BCAN: variants seen among roughly 807,000 people sequenced by gnomAD.
The protein encoded by BCAN is brevican core protein.
A neutral mutation model predicts 92.4 loss-of-function variants in BCAN; 51 were observed. The ratio of observed to expected loss-of-function variants is 0.55; its 90% CI spans 0.44 to 0.70. The LOEUF is 0.70. BCAN is among the 30% of genes least tolerant of loss of function. BCAN has a pLI of 0.00. For missense variants in BCAN, 1,140 were observed against 1,212.1 expected (o/e 0.94, Z 0.88); for synonymous variants, 501 against 505.2 (o/e 0.99, Z 0.11).
intron 10 of BCAN, chr1:156,657,376 C>T (rs1472577830): frequency 7.1e-6 from 4 of 559,888 alleles, no homozygotes; most frequent in Non-Finnish European, 1.2e-5. Flanking sequence ...CTCCAACCTC[C>T]CTGCTCTCCG....
chr1:156,647,969 TC>T lies in BCAN; in HGVS notation c.642-12del, dbSNP rs781528251. ...AAAGCATCTGTACTAAGTGATTCTG[TC>T]CTTCCTCCCTAGGTATCCCATCCAG... On this transcript the variant is annotated splice_polypyrimidine_tract_variant and intron_variant, in intron 4 of 13. Transcript: ENST00000329117. This position sits in a 1 kb window ranked among gnomAD's most constrained non-coding sequence, Gnocchi z 4.8. 41 of 1,612,160 alleles carry T rather than the reference TC, an allele frequency of 2.5e-5. No homozygotes were observed. Among genetic ancestry groups the T allele is most frequent in the South Asian group, 7.7e-5 (7 of 91,056 alleles).
intron 1 of BCAN, 120 bp from the exon 2 acceptor site, chr1:156,645,927 T>C (rs770650619): frequency 2.9e-5 from 21 of 731,676 alleles, no homozygotes; most frequent in Non-Finnish European, 4.1e-5. Context: ...CATGGTGATG[T>C]GAAGGTAGGG....
intron 1 of BCAN, among the ~76,000 whole-genome samples, chr1:156,645,174 C>CA (rs1324639744): frequency 1.3e-5 from 2 of 152,162 alleles, no homozygotes; most frequent in South Asian, 4.2e-4. Context: ...ATTTATTCTC[C>CA]CCCCCCTTAG....
intron 9 of BCAN, 130 bp downstream of exon 9, chr1:156,656,519 T>C (rs1383169133): frequency 1.4e-6 from 1 of 690,934 alleles, no homozygotes; most frequent in Non-Finnish European, 2.2e-6. Context: ...GCAAGTTGCA[T>C]AACTTCTTTG....
intron 6 of BCAN, among the ~76,000 whole-genome samples, chr1:156,650,152 A>AGT (rs1167178479): frequency 2.6e-4 from 39 of 151,928 alleles, no homozygotes; most frequent in African/African-American, 9.0e-4. Flanking sequence ...TAGTAGTAGT[A>AGT]ATAATAATAA....
At chr1:156,654,209 C>T (rs1679263627) in intron 8 of BCAN, among the ~76,000 whole-genome samples, 1 of 152,228 alleles carries the variant, frequency 6.6e-6, no homozygotes, top group Non-Finnish European at 1.5e-5. Flanking sequence ...GAAGCCCTCT[C>T]TACTCAGGAA....
chr1:156,646,217 C>A (rs1678959079), intron 2 of BCAN, 72 bp downstream of exon 2: 2 of 1,446,624 alleles, frequency 1.4e-6, no homozygotes, highest in South Asian at 1.2e-5. Flanking sequence ...GGCTTAGGGG[C>A]CCCAGGAAGA....
intron 6 of BCAN, chr1:156,649,773 G>C (rs1006431900): frequency 3.4e-5 from 16 of 465,784 alleles, no homozygotes; most frequent in African/African-American, 3.2e-4. Flanking sequence ...AAAAGGCCCA[G>C]GCCAAGGGTG....
intron 6 of BCAN, among the ~76,000 whole-genome samples, chr1:156,649,293 G>T (rs907537425): frequency 1.3e-5 from 2 of 152,200 alleles, no homozygotes; most frequent in African/African-American, 4.8e-5. Flanking sequence ...AGCTTAAGAA[G>T]GTGTCAGATC....
rs1571439672 is a variant in BCAN at position 156,647,315 on chromosome 1, C to T, written c.466+140C>T. ...GGGTTGGAAAAAGAGTGAGGAGACACGGGCCTTTGTTGTCTCCTTTCTCTC... is the reference window on the plus strand; with the variant it reads ...GGGTTGGAAAAAGAGTGAGGAGACATGGGCCTTTGTTGTCTCCTTTCTCTC... On this transcript the variant is annotated intron_variant, in intron 3 of 13. Transcript: ENST00000329117. The surrounding 1 kb of genome is among the most constrained non-coding windows in gnomAD (Gnocchi z 4.8). 1.7e-6 allele frequency: 2 copies of T among 1,193,710 alleles called. No homozygotes were observed. The highest frequency in any genetic ancestry group is 2.3e-6 in the Non-Finnish European group (2 of 870,486). The allele number at this position is 1,193,710 out of a possible 1,614,324, so 73.9% of individuals were successfully genotyped here.
rs1679044555 is a variant in BCAN, at chr1:156,648,050, T to C, written c.709T>C (p.Tyr237His). ...GGATGGCTTCCCCGGGGTCCGGAAC[T>C]ATGGTGTGGTGGACCCGGATGACCT... ...DMDGFPGVRNYGVVDPDDLYD... is the reference protein window; with the variant it reads ...DMDGFPGVRNHGVVDPDDLYD... The change falls in exon 5 of 14, where the codon TAT becomes CAT. Residue 237 changes from tyrosine to histidine, a missense_variant. By Grantham distance (83) the Tyr-to-His change is moderately conservative. This residue lies in a region of BCAN where 29 missense variants were observed against 56.2 expected (regional missense o/e 0.52). Coordinates refer to ENST00000329117, the MANE Select transcript of BCAN (RefSeq NM_021948.5). The C allele has an allele frequency of 1.2e-6, 2 of 1,613,872 alleles. No homozygotes were observed. Among genetic ancestry groups the C allele is most frequent in the African/African-American group, 1.3e-5 (1 of 74,864 alleles).
At chr1:156,643,238 A>G (rs1163890152) in intron 1 of BCAN, 1 of 152,258 alleles carries the variant, frequency 6.6e-6, no homozygotes, top group Non-Finnish European at 1.5e-5. Flanking sequence ...TGCTATTTAT[A>G]ACAGCATCAT....
At chr1:156,646,221 A>T in intron 2 of BCAN, 76 bp downstream of exon 2, 2 of 1,388,410 alleles carry the variant, frequency 1.4e-6, no homozygotes, top group Non-Finnish European at 2.0e-6. Context: ...TAGGGGCCCC[A>T]GGAAGAGAGA....
Position 156,647,331 on chromosome 1 carries a change from C to T in BCAN, c.466+156C>T. 1 of 1,142,582 alleles carries T rather than the reference C, an allele frequency of 8.8e-7. No individual in the cohort carries two copies. The highest frequency in any genetic ancestry group is 1.2e-6 in the Non-Finnish European group (1 of 823,924). 70.8% of individuals were successfully genotyped at this position (1,142,582 alleles called of 1,614,324 possible). The stretch of plus-strand genomic sequence containing the variant: ...GAGGAGACACGGGCCTTTGTTGTCT[C>T]CTTTCTCTCTTCAGGTGGAGGACAT... On this transcript the variant is annotated intron_variant, in intron 3 of 13. Transcript: ENST00000329117. The surrounding 1 kb of genome is among the most constrained non-coding windows in gnomAD (Gnocchi z 4.8).
intron 6 of BCAN, among the ~76,000 whole-genome samples, chr1:156,649,326 A>G (rs1362827358): frequency 3.3e-5 from 5 of 152,232 alleles, no homozygotes; most frequent in African/African-American, 1.2e-4. Flanking sequence ...ATACTGGTGG[A>G]TGGATACAAT....
In BCAN at chr1:156,656,367, TG is replaced by T. The variant is rs751434404; in HGVS notation, c.2035del (p.Asp679ThrfsTer177). On this transcript the variant is annotated frameshift_variant, in exon 9 of 14. Coordinates refer to ENST00000329117, the MANE Select transcript of BCAN (RefSeq NM_021948.5). LOFTEE classifies it high-confidence loss of function. ...GVRCLCLPGY[G>X]GDLCDVGLRF... ...TCCGCTGCCTATGTCTGCCTGGCTA[TG>T]GGGGGGACCTGTGCGATGTTGGTGA... 1.2e-5 allele frequency: 16 copies of T among 1,385,916 alleles called. No homozygotes were observed. The highest frequency in any genetic ancestry group is 5.5e-5 in the East Asian group (2 of 36,252). The allele number at this position is 1,385,916 out of a possible 1,614,324, so 85.9% of individuals were successfully genotyped here.
At chr1:156,651,352 A>G (rs576714016) in intron 6 of BCAN, 104 bp from the exon 7 acceptor site, 1 of 1,083,894 alleles carries the variant, frequency 9.2e-7, no homozygotes, top group Admixed American at 2.1e-5. Context: ...GGTGCTCCAC[A>G]GGGAAGATGT....
intron 2 of BCAN, 75 bp from the exon 3 acceptor site, chr1:156,646,726 C>G (rs931362838): frequency 6.7e-7 from 1 of 1,498,274 alleles, no homozygotes; most frequent in Non-Finnish European, 8.9e-7. Context: ...GATCCTGGAG[C>G]GGGGCTTGGA....
rs777275588 is a variant in BCAN, at chr1:156,657,115, C to A, written c.2209+19C>A. On this transcript the variant is annotated intron_variant, in intron 10 of 13. Transcript: ENST00000329117. The stretch of plus-strand genomic sequence containing the variant: ...ATCAACAGTGGGCTGGGAGACAGGG[C>A]GGGAGGGGCCCCTGCCATATGCTCT... The A allele has an allele frequency of 6.3e-7, 1 of 1,586,250 alleles. No individual in the cohort carries two copies. Among genetic ancestry groups the A allele is most frequent in the South Asian group, 1.1e-5 (1 of 90,090 alleles).
Sources: allele counts gnomAD v4.1 joint callset (sites outside exome capture counted in the v4.1 genomes callset), GRCh38; gene constraint gnomAD v4.1.1; regional missense constraint gnomAD v4.1.1; non-coding constraint Gnocchi (gnomAD v3.1); transcripts MANE v1.5; gene names NCBI Gene and HGNC (gene_info 2026-07-23, HGNC 2026-07-21).